The following CA10 variants were observed in gnomAD, a reference collection of about 807,000 sequenced individuals.
CA10 encodes the protein carbonic anhydrase 10 (inactive).
CA10 carries 14 observed loss-of-function variants against 44.2 expected under a neutral mutation model. The observed-to-expected ratio is 0.32, with a 90% CI of 0.21 to 0.50. CA10 has a LOEUF of 0.50. CA10 is among the 20% of genes least tolerant of loss of function. The pLI is 0.99. For missense variants in CA10, 350 were observed against 409.7 expected (o/e 0.85, Z 1.26); for synonymous variants, 159 against 141.6 (o/e 1.12, Z -0.87).
intron 3 of CA10, among the ~76,000 whole-genome samples, chr17:51,764,830 A>G (rs1270246992): frequency 1.3e-5 from 2 of 152,126 alleles, no homozygotes; most frequent in East Asian, 1.9e-4. Context: ...ACCTATAGGG[A>G]TGGGGGCAGA....
At chr17:51,832,640 T>C (rs913498146) in intron 3 of CA10, among the ~76,000 whole-genome samples, 4 of 152,224 alleles carry the variant, frequency 2.6e-5, no homozygotes, top group African/African-American at 4.8e-5. Flanking sequence ...CAGTAGCAGA[T>C]TGCCTGATGA....
intron 4 of CA10, among the ~76,000 whole-genome samples, chr17:51,746,262 G>A (rs1317771916): frequency 6.6e-6 from 1 of 152,130 alleles, no homozygotes; most frequent in Non-Finnish European, 1.5e-5. Flanking sequence ...CTCATTTCCT[G>A]CTTTGTCATT....
chr17:51,644,699 C>A (rs2143250088), intron 6 of CA10, among the ~76,000 whole-genome samples: 1 of 152,174 alleles, frequency 6.6e-6, no homozygotes, highest in Non-Finnish European at 1.5e-5. Flanking sequence ...TGTCTTCTTT[C>A]CAGTTGCTCA....
intron 4 of CA10, among the ~76,000 whole-genome samples, chr17:51,700,212 G>A (rs1915545938): frequency 6.6e-6 from 1 of 152,210 alleles, no homozygotes; most frequent in South Asian, 2.1e-4. Flanking sequence ...GGTTGCTGCA[G>A]TGGCCGCCTA....
intron 2 of CA10, among the ~76,000 whole-genome samples, chr17:51,983,883 T>C (rs543551712): frequency 6.6e-6 from 1 of 151,866 alleles, no homozygotes; most frequent in African/African-American, 2.4e-5. Flanking sequence ...AGGGGAAGCT[T>C]GCCATATAAA....
intron 2 of CA10, among the ~76,000 whole-genome samples, chr17:52,011,197 T>C (rs898616268): frequency 3.3e-5 from 5 of 151,534 alleles, no homozygotes; most frequent in African/African-American, 1.2e-4. Flanking sequence ...CTATCATTTA[T>C]GTTATAATTT....
chr17:51,960,307 A>C (rs1282584308), intron 2 of CA10, among the ~76,000 whole-genome samples: 1 of 152,038 alleles, frequency 6.6e-6, no homozygotes, highest in Non-Finnish European at 1.5e-5. Flanking sequence ...GTGTTACTAG[A>C]ATCCCAGAGG....
intron 4 of CA10, among the ~76,000 whole-genome samples, chr17:51,746,858 T>C (rs1394398902): frequency 6.6e-6 from 1 of 152,226 alleles, no homozygotes; most frequent in Admixed American, 6.5e-5. Context: ...GCAATACATA[T>C]TTTTGTAATT....
At chr17:52,049,304 T>A (rs535667450) in intron 2 of CA10, among the ~76,000 whole-genome samples, 1 of 152,130 alleles carries the variant, frequency 6.6e-6, no homozygotes, top group Non-Finnish European at 1.5e-5. Flanking sequence ...CTGATTCTGC[T>A]ACTTACTAGC....
chr17:51,864,868 A>C (rs1979474913), intron 3 of CA10, among the ~76,000 whole-genome samples: 1 of 152,182 alleles, frequency 6.6e-6, no homozygotes. Context: ...CTGATATTTC[A>C]GGTGTCAAAG....
At chr17:51,687,992 A>T (rs1047153767) in intron 4 of CA10, among the ~76,000 whole-genome samples, 1 of 152,190 alleles carries the variant, frequency 6.6e-6, no homozygotes, top group African/African-American at 2.4e-5. Context: ...ACAGTGTGCG[A>T]CTTCCAGGGC....
chr17:52,047,538 G>A (rs892615207), intron 2 of CA10, among the ~76,000 whole-genome samples: 12 of 151,788 alleles, frequency 7.9e-5, no homozygotes, highest in Admixed American at 6.6e-4. Context: ...TTTTTCCTAA[G>A]TCTTTTAAAA....
intron 2 of CA10, among the ~76,000 whole-genome samples, chr17:51,953,263 A>C (rs1983549412): frequency 6.6e-6 from 1 of 152,132 alleles, no homozygotes; most frequent in African/African-American, 2.4e-5. Context: ...GGTTGATCCA[A>C]ACATTTATTG....
intron 3 of CA10, among the ~76,000 whole-genome samples, chr17:51,861,820 T>A (rs1979323394): frequency 6.6e-6 from 1 of 152,176 alleles, no homozygotes; most frequent in South Asian, 2.1e-4. Flanking sequence ...AAAAGATTAC[T>A]TATGTATATG....
chr17:51,733,032 C>T (rs11079980), intron 4 of CA10, among the ~76,000 whole-genome samples: 97,968 of 151,740 alleles, frequency 0.65, 31,936 homozygotes, highest in East Asian at 0.73. Context: ...TAGTAAATCC[C>T]CCTTTTAGTT....
chr17:51,649,253 A>G lies in CA10; in HGVS notation c.563T>C (p.Val188Ala), dbSNP rs1194080236. The G allele has an allele frequency of 2.5e-6, 4 of 1,609,610 alleles. No homozygotes were observed. The highest frequency in any genetic ancestry group is 3.4e-6 in the Non-Finnish European group (4 of 1,176,064). Residue 188 changes from valine to alanine, a missense_variant and splice_region_variant, in exon 6 of 9, where the codon GTT becomes GCT. Transcript: ENST00000451037. ...GLVVVSIFIKVSDSSNPFLNR... is the reference protein window; with the variant it reads ...GLVVVSIFIKASDSSNPFLNR... Reference sequence around the variant, plus strand: ...AAGAAATGGGTTTGATGAATCAGAAACCTGGAGGAGAAAAGAAAATATTAA... The same window carrying G: ...AAGAAATGGGTTTGATGAATCAGAAGCCTGGAGGAGAAAAGAAAATATTAA...
chr17:51,953,690 A>G (rs1983567712), intron 2 of CA10, among the ~76,000 whole-genome samples: 1 of 152,124 alleles, frequency 6.6e-6, no homozygotes, highest in South Asian at 2.1e-4. Flanking sequence ...TATTTGATAT[A>G]AATATACCAA....
chr17:51,749,595 T>A (rs1904824170), intron 3 of CA10, among the ~76,000 whole-genome samples: 1 of 152,204 alleles, frequency 6.6e-6, no homozygotes, highest in Non-Finnish European at 1.5e-5. Context: ...GTCTCTAAAT[T>A]TTGGGGTGGT....
chr17:51,916,103 C>T (rs1186523992), intron 3 of CA10, among the ~76,000 whole-genome samples: 1 of 150,722 alleles, frequency 6.6e-6, no homozygotes, highest in Non-Finnish European at 1.5e-5. Context: ...AACGTATTTC[C>T]AGCATGCATT....
Sources: allele counts gnomAD v4.1 joint callset (sites outside exome capture counted in the v4.1 genomes callset), GRCh38; gene constraint gnomAD v4.1.1; transcripts MANE v1.5; gene names NCBI Gene and HGNC (gene_info 2026-07-23, HGNC 2026-07-21).